Variants in DAB1 observed in about 807,000 individuals in gnomAD.
The protein encoded by DAB1 is disabled homolog 1.
DAB1 carries 15 observed loss-of-function variants against 64.6 expected under a neutral mutation model. The ratio of observed to expected loss-of-function variants is 0.23; its 90% CI spans 0.16 to 0.36. The LOEUF (loss-of-function observed/expected upper bound fraction) is 0.36, where lower values mean the gene tolerates loss of function less well. DAB1 is among the 10% of genes least tolerant of loss of function. DAB1 has a pLI of 1.00. For missense variants in DAB1, 596 were observed against 706.7 expected, an observed-to-expected ratio of 0.84 and a Z score of 1.78; for synonymous variants, 235 against 251.9, an observed-to-expected ratio of 0.93 and a Z score of 0.64.
intron 1 of DAB1, among the ~76,000 whole-genome samples, chr1:57,306,348 T>G (rs551115212): frequency 6.6e-6 from 1 of 152,284 alleles, no homozygotes; most frequent in African/African-American, 2.4e-5. Context: ...TCTTGCATCT[T>G]CCTTTGCCTT....
intron 2 of DAB1, among the ~76,000 whole-genome samples, chr1:57,208,065 G>A (rs1665733792): frequency 6.6e-6 from 1 of 152,158 alleles, no homozygotes; most frequent in Admixed American, 6.5e-5. Flanking sequence ...TTTGGGAGTT[G>A]CAAATAACAC....
At chr1:57,035,389 C>T (rs1647107636) in intron 9 of DAB1, among the ~76,000 whole-genome samples, 1 of 151,920 alleles carries the variant, frequency 6.6e-6, no homozygotes, top group Non-Finnish European at 1.5e-5. Flanking sequence ...CTCATAAAAC[C>T]CCCCACCATG....
At chr1:57,420,388 A>C (rs1684808027) in intron 1 of DAB1, among the ~76,000 whole-genome samples, 1 of 152,198 alleles carries the variant, frequency 6.6e-6, no homozygotes, top group Non-Finnish European at 1.5e-5. Context: ...CCTGTGCCCC[A>C]GTTTCCTTAT....
At chr1:58,387,082 A>C (rs887181088) in intron 3 of DAB1, among the ~76,000 whole-genome samples, 6 of 152,194 alleles carry the variant, frequency 3.9e-5, no homozygotes, top group African/African-American at 1.4e-4. Context: ...ACAAAACAAA[A>C]AAACAAACAA....
intron 5 of DAB1, among the ~76,000 whole-genome samples, chr1:57,919,334 C>T (rs1358912621): frequency 6.6e-6 from 1 of 152,186 alleles, no homozygotes; most frequent in Admixed American, 6.5e-5. Context: ...AGCCACCATC[C>T]CTATCCTCAA....
chr1:57,536,022 G>A (rs1271058917), intron 7 of DAB1, among the ~76,000 whole-genome samples: 1 of 152,172 alleles, frequency 6.6e-6, no homozygotes, highest in Non-Finnish European at 1.5e-5. Flanking sequence ...TGTAGCAGCA[G>A]TTGCTTTATC....
intron 7 of DAB1, among the ~76,000 whole-genome samples, chr1:57,544,987 T>C (rs1471174902): frequency 6.6e-6 from 1 of 152,152 alleles, no homozygotes; most frequent in African/African-American, 2.4e-5. Context: ...ACAATGCCTC[T>C]CCTCAAATCT....
chr1:58,180,281 C>CTTTTTTTTTTT (rs869204611), intron 4 of DAB1, among the ~76,000 whole-genome samples: 5 of 61,002 alleles, frequency 8.2e-5, no homozygotes, highest in Non-Finnish European at 1.2e-4. Context: ...TTTTTCTTTT[C>CTTTTTTTTTTT]TTTTTTTTTT....
chr1:57,972,685 A>T (rs2764693), intron 5 of DAB1, among the ~76,000 whole-genome samples: 2 of 152,336 alleles, frequency 1.3e-5, no homozygotes, highest in South Asian at 4.1e-4. Context: ...AGGATCTGAC[A>T]CCAACTGGAT....
At chr1:58,192,378 A>G (rs567950639) in intron 4 of DAB1, among the ~76,000 whole-genome samples, 34 of 152,308 alleles carry the variant, frequency 2.2e-4, no homozygotes, top group Non-Finnish European at 4.1e-4. Flanking sequence ...AATAGTGAAC[A>G]CTGCAAACAA....
chr1:57,399,917 A>G (rs1683105778), intron 1 of DAB1, among the ~76,000 whole-genome samples: 1 of 152,222 alleles, frequency 6.6e-6, no homozygotes, highest in African/African-American at 2.4e-5. Flanking sequence ...AGTGAAAATG[A>G]TAATTGCTCT....
At chr1:57,815,124 TGCAGTG>T (rs947595558) in intron 6 of DAB1, among the ~76,000 whole-genome samples, 1 of 152,124 alleles carries the variant, frequency 6.6e-6, no homozygotes, top group African/African-American at 2.4e-5. Flanking sequence ...CAGGCTGGTG[TGCAGTG>T]GCGTGATCTC....
At chr1:58,309,122 C>T (rs1363188508) in intron 4 of DAB1, among the ~76,000 whole-genome samples, 6 of 152,062 alleles carry the variant, frequency 3.9e-5, no homozygotes, top group African/African-American at 1.2e-4. Flanking sequence ...CTATAAAATG[C>T]GGATGATATT....
chr1:57,237,433 A>C (rs1668176544), intron 2 of DAB1, among the ~76,000 whole-genome samples: 1 of 152,176 alleles, frequency 6.6e-6, no homozygotes, highest in Non-Finnish European at 1.5e-5. Flanking sequence ...CATCCAAAAG[A>C]ATTTGTTTAC....
At chr1:57,691,021 G>T (rs1338212179) in intron 6 of DAB1, among the ~76,000 whole-genome samples, 1 of 152,054 alleles carries the variant, frequency 6.6e-6, no homozygotes, top group Non-Finnish European at 1.5e-5. Context: ...AGTTGTTTGA[G>T]TTCCTTATAT....
chr1:58,312,121 G>A (rs1280871173), intron 4 of DAB1, among the ~76,000 whole-genome samples: 1 of 152,176 alleles, frequency 6.6e-6, no homozygotes, highest in Non-Finnish European at 1.5e-5. Context: ...TGGTGAACTT[G>A]CAGATGAGGC....
intron 7 of DAB1, among the ~76,000 whole-genome samples, chr1:57,465,208 A>T (rs552913894): frequency 2.0e-5 from 3 of 152,218 alleles, no homozygotes; most frequent in Admixed American, 1.3e-4. Context: ...AGTCAAAGCT[A>T]CTTGCACAGT....
At chr1:57,202,773 A>G (rs922023334) in intron 2 of DAB1, among the ~76,000 whole-genome samples, 4 of 152,198 alleles carry the variant, frequency 2.6e-5, no homozygotes, top group African/African-American at 9.7e-5. Flanking sequence ...TACAAATCAG[A>G]TCATGTAATT....
chr1:57,903,271 T>C (rs568452368), intron 5 of DAB1, among the ~76,000 whole-genome samples: 4 of 152,272 alleles, frequency 2.6e-5, no homozygotes, highest in African/African-American at 9.6e-5. Flanking sequence ...TCAGTTATTG[T>C]AACCATGGTT....
Sources: gnomAD v4.1 joint callset for allele counts (sites outside exome capture counted in the v4.1 genomes callset) on GRCh38, gnomAD v4.1.1 for gene constraint, MANE v1.5 for transcripts, NCBI Gene and HGNC (gene_info 2026-07-23, HGNC 2026-07-21) for gene names.